Variants in DENND1B observed in about 807,000 individuals in gnomAD.
DENND1B encodes DENN domain-containing protein 1B.
DENND1B carries 59 observed loss-of-function variants against 90.1 expected under a neutral mutation model. That is an observed-to-expected ratio of 0.65 (90% CI 0.53 to 0.81). The LOEUF is 0.81. DENND1B is among the 40% of genes least tolerant of loss of function. The probability of loss-of-function intolerance (pLI) is 0.00; values close to 1 mark genes in which losing one functional copy is unlikely to be tolerated. For synonymous variants in DENND1B, 337 were observed against 324.6 expected, an observed-to-expected ratio of 1.04 and a Z score of -0.41; for missense variants, 862 against 912.6, an observed-to-expected ratio of 0.94 and a Z score of 0.71.
At chr1:197,552,906 C>A in intron 16 of DENND1B, 116 bp downstream of exon 16, 1 of 1,511,152 alleles carries the variant, frequency 6.6e-7, no homozygotes, top group Admixed American at 2.7e-5. Context: ...TAAGACATTA[C>A]ATATTTAGGA....
chr1:197,556,795 C>A (rs1401693183), intron 15 of DENND1B, among the ~76,000 whole-genome samples: 1 of 151,826 alleles, frequency 6.6e-6, no homozygotes, highest in African/African-American at 2.4e-5. Flanking sequence ...TTGTGTACAC[C>A]CAATAAATGC....
rs182594569 is a variant in DENND1B at position 197,570,157 on chromosome 1, C to T, written c.1149+12995G>A. ...CCTGTAACCCCAAACCACTAGGAGG[C>T]TGAGGTGAGAGGATCACCTGAGATC... is the stretch of plus-strand genomic sequence containing the variant. On this transcript the variant is annotated intron_variant, in intron 15 of 22. Transcript: ENST00000620048. Among the ~76,000 whole-genome samples the T allele has an allele frequency of 2.1e-4, 32 of 151,208 alleles. No homozygotes were observed. The East Asian group carries it at 5.3e-3, about 25-fold the overall frequency.
At chr1:197,593,475 C>A (rs888373349) in intron 14 of DENND1B, among the ~76,000 whole-genome samples, 1 of 151,276 alleles carries the variant, frequency 6.6e-6, no homozygotes, top group Non-Finnish European at 1.5e-5. Context: ...AAGAAATATA[C>A]TCTAAGATAA....
At chr1:197,581,102 T>C (rs1334934014) in intron 15 of DENND1B, among the ~76,000 whole-genome samples, 2 of 152,300 alleles carry the variant, frequency 1.3e-5, no homozygotes, top group Admixed American at 1.3e-4. Context: ...GTCATAAATC[T>C]TTTGTACCTA....
intron 10 of DENND1B, among the ~76,000 whole-genome samples, chr1:197,618,281 G>A (rs549689554): frequency 6.6e-6 from 1 of 151,184 alleles, no homozygotes; most frequent in Non-Finnish European, 1.5e-5. Context: ...TGGAGCTTCA[G>A]TAATGTGTGA....
chr1:197,642,536 C>A (rs372392692), intron 10 of DENND1B, among the ~76,000 whole-genome samples, 175 bp downstream of exon 10: 149 of 152,268 alleles, frequency 9.8e-4, no homozygotes, highest in African/African-American at 3.3e-3. Flanking sequence ...TCTGAGAAGG[C>A]TTCCTATAAA....
intron 15 of DENND1B, among the ~76,000 whole-genome samples, chr1:197,573,190 T>C (rs1428012345): frequency 6.6e-6 from 1 of 152,166 alleles, no homozygotes; most frequent in Non-Finnish European, 1.5e-5. Context: ...AGCTTTTGAA[T>C]GTGTTTGCTC....
chr1:197,612,525 C>A (rs541754142), intron 11 of DENND1B, among the ~76,000 whole-genome samples: 1 of 150,586 alleles, frequency 6.6e-6, no homozygotes, highest in African/African-American at 2.4e-5. Context: ...TGTTCTGGAA[C>A]TGGATGTACA....
At chr1:197,736,008 C>T in intron 2 of DENND1B, 1 of 1,014,070 alleles carries the variant, frequency 9.9e-7, no homozygotes, top group Non-Finnish European at 1.5e-6. Context: ...TATCTAAAAA[C>T]ACTGCAATGG....
chr1:197,601,997 G>A (rs1000666614), intron 13 of DENND1B, among the ~76,000 whole-genome samples: 1 of 151,552 alleles, frequency 6.6e-6, no homozygotes, highest in Non-Finnish European at 1.5e-5. Context: ...GAATAGCTGA[G>A]TTTCCACAGA....
chr1:197,741,893 C>T (rs1231421648), intron 2 of DENND1B, among the ~76,000 whole-genome samples: 1 of 152,118 alleles, frequency 6.6e-6, no homozygotes, highest in Non-Finnish European at 1.5e-5. Flanking sequence ...CACTTTATAA[C>T]TTTGGAATCT....
At chr1:197,722,463 A>T (rs1398935718) in intron 2 of DENND1B, among the ~76,000 whole-genome samples, 1 of 152,140 alleles carries the variant, frequency 6.6e-6, no homozygotes, top group Non-Finnish European at 1.5e-5. Context: ...TTAGACAGTA[A>T]TTTAAAGAAC....
At chr1:197,772,982 A>C in intron 1 of DENND1B, 50 bp from the exon 2 acceptor site, 82 of 1,400,172 alleles carry the variant, frequency 5.9e-5, no homozygotes, top group Non-Finnish European at 7.2e-5. Context: ...AAACATCTCC[A>C]TGAAACTTGT....
At chr1:197,675,993 A>G (rs1656023427) in intron 3 of DENND1B, among the ~76,000 whole-genome samples, 1 of 150,688 alleles carries the variant, frequency 6.6e-6, no homozygotes. Context: ...TGGCAGAAGC[A>G]TCCCTCAGGG....
rs927920631 is a variant in DENND1B at position 197,504,900 on chromosome 1, T to C, written c.*5560A>G. 6.6e-6 allele frequency: 1 copy of C among 151,870 alleles called. No homozygotes were observed. 9.4% of individuals were successfully genotyped at this position (151,870 alleles called of 1,614,324 possible). On this transcript the variant is annotated 3_prime_UTR_variant, in exon 23 of 23. Coordinates refer to ENST00000620048, the MANE Select transcript of DENND1B (RefSeq NM_001195215.2). ...TCCCAATAGTAGTCAAGTTTGGAGATGATTTATACTGTAGCCTCAAGGATG... is the reference window on the plus strand; with the variant it reads ...TCCCAATAGTAGTCAAGTTTGGAGACGATTTATACTGTAGCCTCAAGGATG...
chr1:197,752,036 GGAGAA>G (rs1653627560), intron 2 of DENND1B, among the ~76,000 whole-genome samples: 1 of 150,552 alleles, frequency 6.6e-6, no homozygotes. Context: ...AGGAGGAGAA[GGAGAA>G]GAGGAGGAAG....
At chr1:197,773,941 C>G (rs1368063636) in intron 1 of DENND1B, among the ~76,000 whole-genome samples, 1 of 152,096 alleles carries the variant, frequency 6.6e-6, no homozygotes, top group Non-Finnish European at 1.5e-5. Flanking sequence ...AATGCCAGCT[C>G]TGACTTTAAA....
At chr1:197,702,596 C>T (rs1477273761) in intron 3 of DENND1B, among the ~76,000 whole-genome samples, 5 of 152,124 alleles carry the variant, frequency 3.3e-5, no homozygotes, top group Non-Finnish European at 5.9e-5. Flanking sequence ...AATGCTAAAA[C>T]ATTAATTACT....
chr1:197,770,691 AATAT>A (rs1311560043), intron 2 of DENND1B, among the ~76,000 whole-genome samples: 1 of 142,410 alleles, frequency 7.0e-6, no homozygotes, highest in Non-Finnish European at 1.5e-5. Flanking sequence ...CATATCTATA[AATAT>A]ATATCTATAA....
Sources: allele counts gnomAD v4.1 joint callset (sites outside exome capture counted in the v4.1 genomes callset), GRCh38; gene constraint gnomAD v4.1.1; transcripts MANE v1.5; gene names NCBI Gene and HGNC (gene_info 2026-07-23, HGNC 2026-07-21).